Variants in USH2A observed in about 807,000 individuals in gnomAD.
USH2A encodes Usher syndrome 2A (autosomal recessive, mild).
In USH2A, 443 loss-of-function variants were observed where a neutral mutation model predicts 538.9. That is an observed-to-expected ratio of 0.82 (90% CI 0.76 to 0.89). The LOEUF is 0.89. Ranked by LOEUF, USH2A falls within the 40% of genes least tolerant of loss-of-function variation. The pLI, the probability that USH2A is intolerant of heterozygous loss-of-function variation, is 0.00. For synonymous variants in USH2A, 2,413 were observed against 2,273.5 expected (o/e 1.06, Z -1.75); for missense variants, 6,633 against 6,324.8 (o/e 1.05, Z -1.65).
At chr1:215,866,711 G>T (rs533822032) in intron 44 of USH2A, among the ~76,000 whole-genome samples, 62 of 152,134 alleles carry the variant, frequency 4.1e-4, no homozygotes, top group Non-Finnish European at 7.1e-4. Flanking sequence ...AATGACAGAG[G>T]GAGAGCAGGA....
intron 35 of USH2A, among the ~76,000 whole-genome samples, chr1:215,973,362 C>G (rs1175096178): frequency 6.6e-6 from 1 of 152,078 alleles, no homozygotes; most frequent in African/African-American, 2.4e-5. Context: ...ATCTTAACCA[C>G]TTTTGAAGGA....
At chr1:215,967,540 CAACT>C (rs1667380307) in intron 36 of USH2A, among the ~76,000 whole-genome samples, 2 of 151,946 alleles carry the variant, frequency 1.3e-5, no homozygotes, top group African/African-American at 2.4e-5. Flanking sequence ...TTTTTTACAC[CAACT>C]CTCTTAAAGT....
At chr1:215,724,379 C>T (rs537138826) in intron 61 of USH2A, among the ~76,000 whole-genome samples, 1 of 142,606 alleles carries the variant, frequency 7.0e-6, no homozygotes, top group African/African-American at 2.6e-5. Context: ...AAATACCGCA[C>T]GTTCTCACTT....
intron 13 of USH2A, among the ~76,000 whole-genome samples, chr1:216,236,743 C>G (rs373028533): frequency 1.5e-4 from 23 of 152,130 alleles, no homozygotes; most frequent in Non-Finnish European, 2.2e-4. Flanking sequence ...ATATAGTGCT[C>G]GTCACAGCAA....
Position 216,097,139 on chromosome 1 carries a change from C to T in USH2A, c.4702G>A (p.Glu1568Lys), listed in dbSNP as rs747430382. ...VFAASPGNQE[E>K]YFALQLKKGR... ...TTCTTCAACTGAAGTGCAAAATACT[C>T]TTCCTGATTGCCAGGTGATGCTGCA... Residue 1568 changes from glutamate (E) to lysine (K), a missense_variant, in exon 22 of 72, where the codon GAG (glutamate) becomes AAG (lysine). Coordinates refer to ENST00000307340, the MANE Select transcript of USH2A (RefSeq NM_206933.4). 6.2e-7 allele frequency: 1 copy of T among 1,614,144 alleles called. No individual in the cohort carries two copies. The highest frequency in any genetic ancestry group is 8.5e-7 in the Non-Finnish European group (1 of 1,180,014).
intron 36 of USH2A, 70 bp from the exon 37 acceptor site, chr1:215,965,549 C>A: frequency 6.4e-7 from 1 of 1,561,442 alleles, no homozygotes; most frequent in Non-Finnish European, 8.8e-7. Context: ...GAGCATATTT[C>A]TTCAAAGAAT....
intron 69 of USH2A, among the ~76,000 whole-genome samples, chr1:215,635,173 A>G (rs1281195548): frequency 6.6e-6 from 1 of 152,178 alleles, no homozygotes; most frequent in Non-Finnish European, 1.5e-5. Flanking sequence ...GCTTCATGCA[A>G]CAGTCCAATT....
intron 21 of USH2A, among the ~76,000 whole-genome samples, chr1:216,127,509 T>G (rs2033279011): frequency 6.6e-6 from 1 of 152,222 alleles, no homozygotes; most frequent in African/African-American, 2.4e-5. Context: ...TCTTCTTTAT[T>G]TGATTTGTTT....
intron 37 of USH2A, among the ~76,000 whole-genome samples, chr1:215,951,853 A>ATTTTTTATT (rs1666925448): frequency 6.7e-6 from 1 of 149,566 alleles, no homozygotes. Flanking sequence ...TATTTTTTTT[A>ATTTTTTATT]TTTTTTATTT....
At chr1:215,745,253 A>G (rs919285981) in intron 58 of USH2A, among the ~76,000 whole-genome samples, 1 of 152,192 alleles carries the variant, frequency 6.6e-6, no homozygotes, top group Non-Finnish European at 1.5e-5. Flanking sequence ...CTTCATATAT[A>G]ATCAGCAACA....
chr1:215,967,786 A>G (rs1029206194), intron 36 of USH2A, among the ~76,000 whole-genome samples: 3 of 151,904 alleles, frequency 2.0e-5, no homozygotes, highest in African/African-American at 7.3e-5. Flanking sequence ...GTGTTTGTAC[A>G]TGTGTATTTA....
chr1:216,126,391 T>C (rs1209810569), intron 21 of USH2A, among the ~76,000 whole-genome samples: 1 of 151,806 alleles, frequency 6.6e-6, no homozygotes, highest in Admixed American at 6.6e-5. Flanking sequence ...GCCTGGCTAA[T>C]TTTTTGTATT....
intron 51 of USH2A, among the ~76,000 whole-genome samples, chr1:215,787,207 C>A (rs1420912374): frequency 6.6e-6 from 1 of 152,132 alleles, no homozygotes; most frequent in Non-Finnish European, 1.5e-5. Context: ...TGACTCAAAT[C>A]ATATAATTTA....
rs193004653 is a variant in USH2A at position 215,915,911 on chromosome 1, A to G, written c.7301-15006T>C. On this transcript the variant is annotated intron_variant, in intron 38 of 71. Transcript: ENST00000307340. ...AGGGACATGGATGAAATTGGAAATC[A>G]TCATTCTCAATAAACTATCACAACA... 1.8e-3 allele frequency among the ~76,000 whole-genome samples: 273 copies of G among 151,964 alleles called. 1 individual carries two copies. Among genetic ancestry groups the G allele is most frequent in the Non-Finnish European group, 2.5e-3 (172 of 67,996 alleles).
At chr1:215,704,834 C>T (rs1659139222) in intron 61 of USH2A, among the ~76,000 whole-genome samples, 1 of 152,122 alleles carries the variant, frequency 6.6e-6, no homozygotes, top group Admixed American at 6.5e-5. Context: ...GACTGAGTTA[C>T]TTGTCTCTCT....
intron 21 of USH2A, among the ~76,000 whole-genome samples, chr1:216,142,250 A>C (rs2033617496): frequency 6.6e-6 from 1 of 152,222 alleles, no homozygotes; most frequent in African/African-American, 2.4e-5. Flanking sequence ...GTCTCACCAC[A>C]TCATACCAAC....
chr1:216,376,506 A>G (rs984220834), intron 3 of USH2A, among the ~76,000 whole-genome samples: 15 of 152,230 alleles, frequency 9.9e-5, no homozygotes, highest in African/African-American at 3.6e-4. Flanking sequence ...TTCTTTTCAT[A>G]AAATGAATAT....
rs145160559 is a variant in USH2A, at chr1:215,625,414, G to T, written c.*367C>A. Reference sequence around the variant, plus strand: ...ATCCTTTCAACAGAATCATTTTTGAGCCAGTAACTAACTTACTACTTCTAA... The same window carrying T: ...ATCCTTTCAACAGAATCATTTTTGATCCAGTAACTAACTTACTACTTCTAA... On this transcript the variant is annotated 3_prime_UTR_variant, in exon 72 of 72. Transcript: ENST00000307340. 1.8e-3 allele frequency: 566 copies of T among 306,912 alleles called. 5 individuals are homozygous for T. Among genetic ancestry groups the T allele is most frequent in the African/African-American group, 0.012 (537 of 46,158 alleles). The allele number at this position is 306,912 out of a possible 1,614,324, so 19.0% of individuals were successfully genotyped here. A position where few individuals can be genotyped will look rare whatever the true frequency, so the allele number is the denominator to read the frequency against.
chr1:215,720,865 C>T (rs985404618), intron 61 of USH2A, among the ~76,000 whole-genome samples: 1 of 151,884 alleles, frequency 6.6e-6, no homozygotes, highest in African/African-American at 2.4e-5. Flanking sequence ...GGCATCTGCC[C>T]CCTCAAAATT....
Sources: gnomAD v4.1 joint callset for allele counts (sites outside exome capture counted in the v4.1 genomes callset) on GRCh38, gnomAD v4.1.1 for gene constraint, MANE v1.5 for transcripts, NCBI Gene and HGNC (gene_info 2026-07-23, HGNC 2026-07-21) for gene names.